NDST3: variants seen among roughly 807,000 people sequenced by gnomAD.
NDST3 encodes the protein N-deacetylase and N-sulfotransferase 3.
In NDST3, 58 loss-of-function variants were observed where a neutral mutation model predicts 96.1. The observed-to-expected ratio is 0.60, with a 90% confidence interval of 0.49 to 0.75. The LOEUF is 0.75. Ranked by LOEUF, NDST3 falls within the 30% of genes least tolerant of loss-of-function variation. The pLI, the probability that NDST3 is intolerant of heterozygous loss-of-function variation, is 0.00. For missense variants in NDST3, 788 were observed against 1,034.2 expected (o/e 0.76, Z 3.27); for synonymous variants, 333 against 359.7 (o/e 0.93, Z 0.84).
chr4:118,103,489 TATA>T, intron 2 of NDST3, among the ~76,000 whole-genome samples: 2 of 152,280 alleles, frequency 1.3e-5, no homozygotes, highest in South Asian at 4.1e-4. Flanking sequence ...GTGTGTGTAT[TATA>T]ATTGTCAGCA....
intron 2 of NDST3, among the ~76,000 whole-genome samples, chr4:118,096,659 GTAGATAGA>G (rs56067967): frequency 0.035 from 5,015 of 144,870 alleles, 128 homozygotes; most frequent in African/African-American, 0.06. Flanking sequence ...TATGGCTAGA[GTAGATAGA>G]TAGATAGATA....
chr4:118,043,202 A>G (rs971032630), intron 1 of NDST3, among the ~76,000 whole-genome samples: 3 of 152,212 alleles, frequency 2.0e-5, no homozygotes, highest in African/African-American at 7.2e-5. Flanking sequence ...TTGGGATGCT[A>G]TGATTACATT....
intron 11 of NDST3, among the ~76,000 whole-genome samples, chr4:118,241,380 G>A (rs1409950721): frequency 1.3e-5 from 2 of 152,194 alleles, no homozygotes; most frequent in African/African-American, 2.4e-5. Flanking sequence ...AACAGTGCTG[G>A]TCTAGGCTAA....
intron 2 of NDST3, among the ~76,000 whole-genome samples, chr4:118,089,795 A>AGG (rs1728721416): frequency 6.6e-6 from 1 of 151,964 alleles, no homozygotes; most frequent in African/African-American, 2.4e-5. Flanking sequence ...GAAGGGCTTT[A>AGG]TGTAAGGAGG....
chr4:118,115,061 A>T (rs1054616591), intron 4 of NDST3, 101 bp downstream of exon 4: 5 of 1,274,486 alleles, frequency 3.9e-6, no homozygotes, highest in Non-Finnish European at 5.5e-6. Context: ...TGGCTTTTCC[A>T]TATGATCATT....
At chr4:118,174,845 C>T (rs537341183) in intron 6 of NDST3, among the ~76,000 whole-genome samples, 1 of 152,256 alleles carries the variant, frequency 6.6e-6, no homozygotes, top group East Asian at 1.9e-4. Context: ...CCGACTGTGA[C>T]TAAAGTTGGA....
At chr4:118,120,377 C>T (rs1024456011) in intron 4 of NDST3, among the ~76,000 whole-genome samples, 9 of 151,866 alleles carry the variant, frequency 5.9e-5, no homozygotes, top group African/African-American at 1.9e-4. Flanking sequence ...GTGGTTTCTG[C>T]GGGAAAGGTA....
At chr4:118,044,904 C>T (rs1724672767) in intron 1 of NDST3, among the ~76,000 whole-genome samples, 1 of 152,070 alleles carries the variant, frequency 6.6e-6, no homozygotes, top group African/African-American at 2.4e-5. Context: ...TGACATTTAT[C>T]TATTCATGAG....
chr4:118,159,086 A>G (rs897587418), intron 6 of NDST3, among the ~76,000 whole-genome samples: 5 of 152,180 alleles, frequency 3.3e-5, no homozygotes, highest in Non-Finnish European at 5.9e-5. Flanking sequence ...CCATAGGAGG[A>G]AAAGATTTGG....
chr4:118,215,609 G>A (rs1739145029), intron 6 of NDST3, among the ~76,000 whole-genome samples: 1 of 138,642 alleles, frequency 7.2e-6, no homozygotes, highest in Admixed American at 7.6e-5. Context: ...ATATGTTTTC[G>A]GGTATGAGGG....
chr4:118,219,038 G>C (rs1260464154), intron 6 of NDST3, among the ~76,000 whole-genome samples: 1 of 151,836 alleles, frequency 6.6e-6, no homozygotes, highest in Non-Finnish European at 1.5e-5. Flanking sequence ...GAAATCAGAG[G>C]GGACACCAGC....
At chr4:118,241,522 T>C (rs954219574) in intron 11 of NDST3, among the ~76,000 whole-genome samples, 1 of 152,342 alleles carries the variant, frequency 6.6e-6, no homozygotes, top group African/African-American at 2.4e-5. Context: ...TCTTAGTTTC[T>C]TGAGGAACTT....
Position 118,242,030 on chromosome 4 carries a change from G to T in NDST3, c.2290-10G>T. ...TTTTTCAATGTGCATTTTTTTATTTGATAATTTAGTTGCTAATTATTGATG... is the reference window on the plus strand; with the variant it reads ...TTTTTCAATGTGCATTTTTTTATTTTATAATTTAGTTGCTAATTATTGATG... On this transcript the variant is annotated splice_polypyrimidine_tract_variant and intron_variant, in intron 11 of 13. Transcript: ENST00000296499. The T allele has an allele frequency of 6.4e-7, 1 of 1,567,366 alleles. No individual in the cohort carries two copies. Among genetic ancestry groups the T allele is most frequent in the Admixed American group, 1.8e-5 (1 of 56,836 alleles).
chr4:118,145,243 C>T (rs150387249), intron 6 of NDST3, among the ~76,000 whole-genome samples: 262 of 152,256 alleles, frequency 1.7e-3, no homozygotes, highest in African/African-American at 6.2e-3. Context: ...TGGTTATGAA[C>T]TGAAGAAGCA....
chr4:118,247,177 C>G (rs1045319892), intron 12 of NDST3, among the ~76,000 whole-genome samples: 3 of 145,536 alleles, frequency 2.1e-5, no homozygotes, highest in Admixed American at 7.1e-5. Flanking sequence ...TGGTGCATGG[C>G]TTTGTTATAT....
rs1320586705 is a variant in NDST3 at position 118,255,740 on chromosome 4, G to A, written c.*28G>A. Reference sequence around the variant, plus strand: ...CTGAGAGAAAACTTGAGACTTCATCGTCCATGTAGAACACACCTTTTCCAA... The same window carrying A: ...CTGAGAGAAAACTTGAGACTTCATCATCCATGTAGAACACACCTTTTCCAA... On this transcript the variant is annotated 3_prime_UTR_variant, in exon 14 of 14. Transcript: ENST00000296499. 3.8e-6 allele frequency: 6 copies of A among 1,597,248 alleles called. No individual in the cohort carries two copies. Among genetic ancestry groups the A allele is most frequent in the South Asian group, 2.3e-5 (2 of 88,848 alleles).
chr4:118,188,470 T>C (rs552438130), intron 6 of NDST3, among the ~76,000 whole-genome samples: 2 of 152,176 alleles, frequency 1.3e-5, no homozygotes, highest in East Asian at 1.9e-4. Flanking sequence ...ATTGGACTTA[T>C]GTCCTCTTAA....
intron 2 of NDST3, among the ~76,000 whole-genome samples, chr4:118,101,565 C>T (rs1192032999): frequency 6.6e-6 from 1 of 152,086 alleles, no homozygotes; most frequent in African/African-American, 2.4e-5. Context: ...TTTTCTGCTG[C>T]AGAAATGGTT....
intron 6 of NDST3, among the ~76,000 whole-genome samples, chr4:118,203,312 C>A (rs1156757495): frequency 6.6e-6 from 1 of 152,072 alleles, no homozygotes; most frequent in African/African-American, 2.4e-5. Flanking sequence ...GGGTACCAGG[C>A]TGATGCTGGC....
Sources: gnomAD v4.1 joint callset for allele counts (sites outside exome capture counted in the v4.1 genomes callset) on GRCh38, gnomAD v4.1.1 for gene constraint, MANE v1.5 for transcripts, NCBI Gene and HGNC (gene_info 2026-07-23, HGNC 2026-07-21) for gene names.